CDK5RAP2: variants seen among roughly 807,000 people sequenced by gnomAD.
The protein encoded by CDK5RAP2 is CDK5 regulatory subunit-associated protein 2.
In CDK5RAP2, 147 loss-of-function variants were observed where a neutral mutation model predicts 232.9. That is an observed-to-expected ratio of 0.63 (90% CI 0.55 to 0.72). The LOEUF is 0.72. Among genes scored for constraint, CDK5RAP2 ranks in the 30% least tolerant of loss-of-function variants. The pLI is 0.00. For missense variants in CDK5RAP2, 2,195 were observed against 2,231.5 expected, an observed-to-expected ratio of 0.98 and a Z score of 0.33; for synonymous variants, 833 against 833.7, an observed-to-expected ratio of 1.00 and a Z score of 0.01.
Position 120,568,352 on chromosome 9 carries a change from G to A in CDK5RAP2, c.164C>T (p.Thr55Ile). Residue 55 changes from threonine to isoleucine, a missense_variant, in exon 3 of 38, where the codon ACC (threonine) becomes ATC (isoleucine). By Grantham distance (89) the Thr-to-Ile change is moderately conservative. Transcript: ENST00000349780. Reference sequence around the variant, plus strand: ...AAAGTCCTTCATGTTCCGTGCTCTGGTGGGAGACACTGTTTCTTCTGACAC... The same window carrying A: ...AAAGTCCTTCATGTTCCGTGCTCTGATGGGAGACACTGTTTCTTCTGACAC... ...PNVSEETVSP[T>I]RARNMKDFEN... is the part of the protein sequence containing the mutation. 6.2e-7 allele frequency: 1 copy of A among 1,613,854 alleles called. No homozygotes were observed. Among genetic ancestry groups the A allele is most frequent in the South Asian group, 1.1e-5 (1 of 91,076 alleles).
At chr9:120,557,871 T>G (rs2042294618) in intron 3 of CDK5RAP2, among the ~76,000 whole-genome samples, 1 of 149,280 alleles carries the variant, frequency 6.7e-6, no homozygotes, top group African/African-American at 2.4e-5. Context: ...TTCAAGCGAT[T>G]CTCCCTGCTT....
chr9:120,532,665 G>A (rs2041206474), intron 7 of CDK5RAP2: 1 of 152,474 alleles, frequency 6.6e-6, no homozygotes, highest in African/African-American at 2.4e-5. Flanking sequence ...GCCACACCCT[G>A]AGCAAAAATC....
At chr9:120,512,260 G>A (rs760918731) in intron 12 of CDK5RAP2, among the ~76,000 whole-genome samples, 22 of 152,112 alleles carry the variant, frequency 1.4e-4, no homozygotes, top group Non-Finnish European at 2.5e-4. Flanking sequence ...GAGTCAGGAG[G>A]ATTACTTGAG....
At chr9:120,416,695 G>T (rs1488957665) in intron 27 of CDK5RAP2, among the ~76,000 whole-genome samples, 1 of 152,186 alleles carries the variant, frequency 6.6e-6, no homozygotes, top group African/African-American at 2.4e-5. Context: ...CCAGGGGTAG[G>T]TTTCTAGAAT....
intron 15 of CDK5RAP2, among the ~76,000 whole-genome samples, chr9:120,476,236 C>A (rs993857042): frequency 1.3e-5 from 2 of 151,190 alleles, no homozygotes; most frequent in Admixed American, 6.6e-5. Flanking sequence ...AAAAAAACTA[C>A]TGTAATGAAC....
intron 18 of CDK5RAP2, among the ~76,000 whole-genome samples, chr9:120,462,475 T>C (rs1465768289): frequency 6.7e-6 from 1 of 150,136 alleles, no homozygotes; most frequent in Non-Finnish European, 1.5e-5. Context: ...AACAAAGAAT[T>C]GTACATGAAT....
At chr9:120,526,002 C>G (rs1328052524) in intron 10 of CDK5RAP2, among the ~76,000 whole-genome samples, 1 of 152,228 alleles carries the variant, frequency 6.6e-6, no homozygotes, top group African/African-American at 2.4e-5. Flanking sequence ...CCAGTTTCCT[C>G]GTTAGTGTCC....
intron 26 of CDK5RAP2, among the ~76,000 whole-genome samples, chr9:120,422,489 A>G: frequency 6.6e-6 from 1 of 152,230 alleles, no homozygotes; most frequent in East Asian, 1.9e-4. Flanking sequence ...AAGTAACCTG[A>G]AATGAATGAA....
chr9:120,484,538 G>A (rs915712301), intron 14 of CDK5RAP2, among the ~76,000 whole-genome samples: 5 of 152,096 alleles, frequency 3.3e-5, no homozygotes, highest in South Asian at 4.2e-4. Flanking sequence ...CCTGGCCAAC[G>A]TGGTGAAACC....
At chr9:120,492,043 G>T (rs1014030547) in intron 12 of CDK5RAP2, among the ~76,000 whole-genome samples, 3 of 150,586 alleles carry the variant, frequency 2.0e-5, no homozygotes, top group African/African-American at 4.9e-5. Flanking sequence ...CATTTACAAA[G>T]AATTTATAAT....
intron 8 of CDK5RAP2, 113 bp from the exon 9 acceptor site, chr9:120,528,910 G>T: frequency 1.3e-6 from 1 of 770,628 alleles, no homozygotes. Context: ...CACTACTGTG[G>T]AACTCGTTAA....
intron 15 of CDK5RAP2, among the ~76,000 whole-genome samples, chr9:120,474,881 G>A (rs2037918059): frequency 6.6e-6 from 1 of 152,176 alleles, no homozygotes; most frequent in Non-Finnish European, 1.5e-5. Flanking sequence ...AGTTACAGAA[G>A]AGAGCTCTAC....
chr9:120,422,927 T>C (rs142988163), intron 25 of CDK5RAP2, among the ~76,000 whole-genome samples, 186 bp from the exon 26 acceptor site: 1 of 152,368 alleles, frequency 6.6e-6, no homozygotes, highest in Admixed American at 6.5e-5. Flanking sequence ...CCTTTATCAC[T>C]GCATTGACAC....
At chr9:120,502,769 G>A (rs1245323194) in intron 12 of CDK5RAP2, among the ~76,000 whole-genome samples, 3 of 152,172 alleles carry the variant, frequency 2.0e-5, no homozygotes, top group East Asian at 1.9e-4. Flanking sequence ...ATTTGCGGTC[G>A]GGGGTCAGGT....
intron 22 of CDK5RAP2, among the ~76,000 whole-genome samples, chr9:120,445,460 T>C (rs2036133901): frequency 6.6e-6 from 1 of 152,170 alleles, no homozygotes; most frequent in African/African-American, 2.4e-5. Context: ...CTGTCCATGC[T>C]TGCTGTCTCC....
chr9:120,520,380 T>G (rs10818459), intron 11 of CDK5RAP2, among the ~76,000 whole-genome samples: 148,080 of 152,172 alleles, frequency 0.97, 72,152 homozygotes, highest in East Asian at 1. Context: ...GATGGCTCAC[T>G]CCTGTAATCC....
chr9:120,414,724 A>C (rs900203159), intron 28 of CDK5RAP2, among the ~76,000 whole-genome samples: 3 of 152,216 alleles, frequency 2.0e-5, no homozygotes, highest in Admixed American at 1.3e-4. Context: ...TTATGCAGGA[A>C]TATGTGTGAT....
At chr9:120,445,836 T>C (rs2036157104) in intron 22 of CDK5RAP2, among the ~76,000 whole-genome samples, 2 of 152,210 alleles carry the variant, frequency 1.3e-5, no homozygotes, top group Admixed American at 1.3e-4. Flanking sequence ...TCCAGACCTC[T>C]ACCCTTGACT....
chr9:120,442,387 C>T (rs964652355), intron 23 of CDK5RAP2, among the ~76,000 whole-genome samples: 14 of 152,202 alleles, frequency 9.2e-5, no homozygotes, highest in African/African-American at 2.9e-4. Flanking sequence ...ATCCTTTATT[C>T]ACATCCCAAG....
Sources: allele counts gnomAD v4.1 joint callset (sites outside exome capture counted in the v4.1 genomes callset), GRCh38; gene constraint gnomAD v4.1.1; transcripts MANE v1.5; gene names NCBI Gene and HGNC (gene_info 2026-07-23, HGNC 2026-07-21).